The following EYS variants were observed in gnomAD, a reference collection of about 807,000 sequenced individuals.
The protein encoded by EYS is EGF-like photoreceptor maintenance factor, also known as protein eyes shut homolog.
A neutral mutation model predicts 282.1 loss-of-function variants in EYS; 250 were observed. That is an observed-to-expected ratio of 0.89 (90% CI 0.80 to 0.98). EYS has a LOEUF of 0.98. Among genes scored for constraint, EYS ranks in the 50% least tolerant of loss-of-function variants. EYS has a pLI of 0.00. For synonymous variants in EYS, 1,355 were observed against 1,282.9 expected (o/e 1.06, Z -1.20); for missense variants, 4,016 against 3,709.0 (o/e 1.08, Z -2.15).
intron 2 of EYS, among the ~76,000 whole-genome samples, chr6:65,531,864 G>GAACATCTTGATTTTTAA (rs1767782366): frequency 6.6e-6 from 1 of 152,082 alleles, no homozygotes; most frequent in Admixed American, 6.6e-5. Context: ...GTAATATATA[G>GAACATCTTGATTTTTAA]AACATCTTGA....
intron 29 of EYS, among the ~76,000 whole-genome samples, chr6:64,313,900 C>G (rs1769828256): frequency 6.6e-6 from 1 of 152,056 alleles, no homozygotes; most frequent in Non-Finnish European, 1.5e-5. Context: ...CCGGTACCAG[C>G]CACTGCAAAA....
chr6:64,903,050 G>C (rs1189881786), intron 16 of EYS, among the ~76,000 whole-genome samples: 1 of 151,908 alleles, frequency 6.6e-6, no homozygotes, highest in Non-Finnish European at 1.5e-5. Context: ...TATACAGGCT[G>C]ATAAACAAGA....
chr6:64,455,871 A>T (rs577047423), intron 26 of EYS, among the ~76,000 whole-genome samples: 2 of 152,188 alleles, frequency 1.3e-5, no homozygotes, highest in African/African-American at 4.8e-5. Context: ...ACAGAATTTA[A>T]CATTAATTAC....
chr6:65,473,633 A>C (rs1765296033), intron 5 of EYS, among the ~76,000 whole-genome samples: 1 of 152,012 alleles, frequency 6.6e-6, no homozygotes, highest in Non-Finnish European at 1.5e-5. Context: ...ACAAGATCTA[A>C]CTAAACTTCA....
chr6:65,508,428 C>T (rs1003137993), intron 2 of EYS, among the ~76,000 whole-genome samples: 1 of 152,020 alleles, frequency 6.6e-6, no homozygotes, highest in African/African-American at 2.4e-5. Context: ...AATCCCAGCA[C>T]TTTGGGAGGC....
intron 22 of EYS, among the ~76,000 whole-genome samples, chr6:64,636,440 C>A (rs868782837): frequency 7.9e-5 from 12 of 152,240 alleles, no homozygotes; most frequent in Middle Eastern, 3.4e-3. Context: ...AAAATTAATT[C>A]AAGATGGATT....
Position 65,421,652 on chromosome 6 carries a change from CT to C in EYS, c.863-16286del, listed in dbSNP as rs567376347. Among the ~76,000 whole-genome samples, 14 of 151,964 alleles carry C rather than the reference CT, an allele frequency of 9.2e-5. No individual in the cohort carries two copies. In the South Asian group the frequency reaches 2.9e-3, roughly 32 times the overall value. ...TCCACATGATTTCCTCATTAAGCTT[CT>C]TTCTACAAACATACATGTCTCATTT... On this transcript the variant is annotated intron_variant, in intron 5 of 42. Coordinates refer to ENST00000503581, the MANE Select transcript of EYS (RefSeq NM_001142800.2).
chr6:64,445,592 T>G (rs1561998809), intron 26 of EYS, among the ~76,000 whole-genome samples: 1 of 152,192 alleles, frequency 6.6e-6, no homozygotes, highest in Non-Finnish European at 1.5e-5. Flanking sequence ...GATGGATGTA[T>G]GTTTATGGAA....
intron 32 of EYS, among the ~76,000 whole-genome samples, chr6:64,070,374 A>G (rs906920106): frequency 1.3e-5 from 2 of 152,128 alleles, no homozygotes. Flanking sequence ...CATTAATATT[A>G]CCACTGAGAT....
intron 31 of EYS, among the ~76,000 whole-genome samples, chr6:64,111,376 A>G (rs1456687748): frequency 3.9e-5 from 6 of 152,160 alleles, no homozygotes; most frequent in Non-Finnish European, 8.8e-5. Flanking sequence ...AGGCTATAGG[A>G]GTCGAGCACG....
intron 35 of EYS, among the ~76,000 whole-genome samples, chr6:63,912,920 TC>T (rs1473186793): frequency 4.6e-5 from 7 of 152,142 alleles, no homozygotes; most frequent in African/African-American, 1.7e-4. Flanking sequence ...AAACCTCTTT[TC>T]TTTATAAATT....
intron 34 of EYS, among the ~76,000 whole-genome samples, chr6:63,991,632 G>T (rs1025662550): frequency 2.0e-5 from 3 of 151,120 alleles, no homozygotes; most frequent in Non-Finnish European, 4.4e-5. Context: ...ATTCAAAGAC[G>T]GATCACTTGG....
intron 29 of EYS, among the ~76,000 whole-genome samples, chr6:64,353,332 T>C (rs1285761415): frequency 6.6e-6 from 1 of 151,520 alleles, no homozygotes; most frequent in Non-Finnish European, 1.5e-5. Context: ...CCTGTAGCAA[T>C]CCTGTGAGCA....
chr6:65,046,761 T>G (rs1349949842), intron 13 of EYS, among the ~76,000 whole-genome samples: 1 of 151,894 alleles, frequency 6.6e-6, no homozygotes, highest in Non-Finnish European at 1.5e-5. Context: ...CTCTCTGATA[T>G]GGTTTGGCTA....
chr6:64,398,826 T>A (rs575496770), intron 28 of EYS, among the ~76,000 whole-genome samples: 3 of 151,976 alleles, frequency 2.0e-5, no homozygotes, highest in East Asian at 3.9e-4. Context: ...ATCAATGATA[T>A]TCCCTATGTT....
chr6:65,165,438 A>C (rs1764950596), intron 12 of EYS, among the ~76,000 whole-genome samples: 1 of 151,104 alleles, frequency 6.6e-6, no homozygotes, highest in African/African-American at 2.4e-5. Context: ...CTTGAAAGAT[A>C]TTTTTCTTAA....
chr6:64,145,771 A>T (rs1055705928), intron 31 of EYS, among the ~76,000 whole-genome samples: 1 of 152,170 alleles, frequency 6.6e-6, no homozygotes, highest in Non-Finnish European at 1.5e-5. Context: ...GCAAAATAGT[A>T]CCATAGGAAG....
chr6:63,985,916 T>A (rs1767337598), intron 34 of EYS, among the ~76,000 whole-genome samples: 1 of 151,808 alleles, frequency 6.6e-6, no homozygotes, highest in Admixed American at 6.6e-5. Flanking sequence ...AAAGCCAAAA[T>A]TGACTAGTGG....
intron 12 of EYS, among the ~76,000 whole-genome samples, chr6:65,262,394 T>A (rs1364330990): frequency 6.6e-6 from 1 of 152,092 alleles, no homozygotes; most frequent in African/African-American, 2.4e-5. Flanking sequence ...ATATAATGAA[T>A]CGTCTACTGA....
Sources: allele counts gnomAD v4.1 joint callset (sites outside exome capture counted in the v4.1 genomes callset), GRCh38; gene constraint gnomAD v4.1.1; transcripts MANE v1.5; gene names NCBI Gene and HGNC (gene_info 2026-07-23, HGNC 2026-07-21).